SRPK1: variants seen among roughly 807,000 people sequenced by gnomAD.
SRPK1 encodes the protein SRSF protein kinase 1.
SRPK1 carries 52 observed loss-of-function variants against 89.5 expected under a neutral mutation model. The observed-to-expected ratio is 0.58, with a 90% confidence interval of 0.46 to 0.73. SRPK1 has a LOEUF of 0.73. SRPK1 is among the 30% of genes least tolerant of loss of function. The pLI is 0.00. For synonymous variants in SRPK1, 255 were observed against 270.2 expected (o/e 0.94, Z 0.55); for missense variants, 603 against 780.6 (o/e 0.77, Z 2.71).
intron 2 of SRPK1, among the ~76,000 whole-genome samples, chr6:35,908,171 T>A (rs1474659358): frequency 7.3e-5 from 11 of 149,728 alleles, no homozygotes; most frequent in Non-Finnish European, 1.0e-4. Context: ...CCACAGAGAG[T>A]GGGGTACTGC....
intron 12 of SRPK1, among the ~76,000 whole-genome samples, chr6:35,866,363 A>G (rs895974830): frequency 6.6e-6 from 1 of 152,186 alleles, no homozygotes; most frequent in Non-Finnish European, 1.5e-5. Context: ...AGGTAGGCAG[A>G]TCACAAGGTC....
chr6:35,836,721 C>G (rs1769185976), intron 15 of SRPK1, among the ~76,000 whole-genome samples: 1 of 151,326 alleles, frequency 6.6e-6, no homozygotes, highest in East Asian at 1.9e-4. Context: ...TGCCACTGTA[C>G]TCCAGCCTGG....
At chr6:35,854,897 A>C (rs190684140) in intron 13 of SRPK1, among the ~76,000 whole-genome samples, 280 of 152,334 alleles carry the variant, frequency 1.8e-3, no homozygotes, top group African/African-American at 6.6e-3. Flanking sequence ...TTCCTCAATA[A>C]GCAAAGCTTT....
At chr6:35,882,244 A>G (rs1279443204) in intron 6 of SRPK1, among the ~76,000 whole-genome samples, 3 of 150,044 alleles carry the variant, frequency 2.0e-5, no homozygotes, top group Non-Finnish European at 4.4e-5. Context: ...GACTAGAGAA[A>G]CTTGTGACTA....
chr6:35,873,895 C>T (rs567835778), intron 7 of SRPK1, among the ~76,000 whole-genome samples: 63 of 150,912 alleles, frequency 4.2e-4, no homozygotes, highest in Non-Finnish European at 7.2e-4. Flanking sequence ...GGTGTGATCT[C>T]GGCTCACCGC....
In SRPK1 at chr6:35,920,508, T is replaced by C. The variant is rs1365479156; in HGVS notation, c.34A>G (p.Lys12Glu). 1 of 1,613,150 alleles carries C rather than the reference T, an allele frequency of 6.2e-7. No homozygotes were observed. The highest frequency in any genetic ancestry group is 1.3e-5 in the African/African-American group (1 of 74,886). Residue 12 changes from lysine to glutamate, a missense_variant, in exon 2 of 16, where the codon AAG becomes GAG. By Grantham distance (56) the Lys-to-Glu change is moderately conservative (BLOSUM62 1). Coordinates refer to ENST00000373825, the MANE Select transcript of SRPK1 (RefSeq NM_003137.5). The stretch of plus-strand genomic sequence containing the variant: ...TCCTTCTTGGCCTTGGTCCTTTTCT[T>C]TCGGGCCTGGAGCGCAAGCACTGCA... ...ERKVLALQAR[K>E]KRTKAKKDKA...
rs368265819 is a variant in SRPK1, at chr6:35,868,744, G to T, written c.1512+266C>A. Among the ~76,000 whole-genome samples, 4 of 152,294 alleles carry T rather than the reference G, an allele frequency of 2.6e-5. No individual in the cohort carries two copies. The South Asian group carries it at 8.3e-4, about 32-fold the overall frequency. On this transcript the variant is annotated intron_variant, in intron 12 of 15. Transcript: ENST00000373825. ...ATATATTAAAAACAAGATTGGCCAGGAGTTGACATTACTGAATCTGGGTGA... is the reference window on the plus strand; with the variant it reads ...ATATATTAAAAACAAGATTGGCCAGTAGTTGACATTACTGAATCTGGGTGA...
At chr6:35,843,313 T>C (rs1769353448) in intron 13 of SRPK1, among the ~76,000 whole-genome samples, 1 of 141,152 alleles carries the variant, frequency 7.1e-6, no homozygotes, top group Admixed American at 7.2e-5. Context: ...AAATTGAGAT[T>C]CTGTACCAAA....
At chr6:35,902,470 C>CA (rs1770764926) in intron 2 of SRPK1, among the ~76,000 whole-genome samples, 2 of 151,844 alleles carry the variant, frequency 1.3e-5, no homozygotes, top group South Asian at 4.2e-4. Flanking sequence ...ACATAAAAGA[C>CA]AAAGATAAAC....
chr6:35,860,680 T>TA (rs2127237535), intron 12 of SRPK1, among the ~76,000 whole-genome samples: 1 of 152,268 alleles, frequency 6.6e-6, no homozygotes, highest in South Asian at 2.1e-4. Flanking sequence ...TGTTGTGATA[T>TA]GATGTACATT....
intron 1 of SRPK1, 37 bp from the exon 2 acceptor site, chr6:35,920,565 A>G (rs1338856488): frequency 1.9e-6 from 3 of 1,604,388 alleles, no homozygotes; most frequent in Non-Finnish European, 2.6e-6. Context: ...GCGAATGTGG[A>G]GGAAAGGAGG....
intron 2 of SRPK1, among the ~76,000 whole-genome samples, chr6:35,898,888 C>T (rs770299370): frequency 8.5e-5 from 13 of 152,204 alleles, no homozygotes; most frequent in Admixed American, 3.3e-4. Context: ...AGACACCGGG[C>T]GTGGTGGCTC....
At position 35,838,320 on chromosome 6, in the gene SRPK1, G is replaced by A; in HGVS notation, c.1783+17C>T. On this transcript the variant is annotated intron_variant, in intron 15 of 15. Coordinates refer to ENST00000373825, the MANE Select transcript of SRPK1 (RefSeq NM_003137.5). ...ACACTTCTGCCTCCTTAATGTCTGG[G>A]AACACATTTACTTTACCTTTTTTGG... 1.3e-6 allele frequency: 2 copies of A among 1,524,706 alleles called. No homozygotes were observed. The highest frequency in any genetic ancestry group is 2.5e-5 in the Admixed American group (1 of 40,740). 94.4% of individuals were successfully genotyped at this position (1,524,706 alleles called of 1,614,324 possible). A position where few individuals can be genotyped will look rare whatever the true frequency, so the allele number is the denominator to read the frequency against.
At chr6:35,886,293 G>A (rs2127256118) in intron 6 of SRPK1, among the ~76,000 whole-genome samples, 1 of 152,046 alleles carries the variant, frequency 6.6e-6, no homozygotes. Flanking sequence ...TTCGCCAGGT[G>A]GGTCTTGAAC....
At chr6:35,851,911 T>TA (rs1304231151) in intron 13 of SRPK1, among the ~76,000 whole-genome samples, 1 of 152,222 alleles carries the variant, frequency 6.6e-6, no homozygotes, top group African/African-American at 2.4e-5. Flanking sequence ...GGCACTGCTA[T>TA]AGACTTAAAG....
chr6:35,848,656 C>T (rs761214052), intron 13 of SRPK1, among the ~76,000 whole-genome samples: 4 of 152,232 alleles, frequency 2.6e-5, no homozygotes, highest in South Asian at 2.1e-4. Context: ...AAAAAGCAGA[C>T]GCATAGACCA....
chr6:35,842,617 G>T lies in SRPK1; in HGVS notation c.1621-13C>A, dbSNP rs1769335410. 2 of 1,582,058 alleles carry T rather than the reference G, an allele frequency of 1.3e-6. No homozygotes were observed. Among genetic ancestry groups the T allele is most frequent in the South Asian group, 1.2e-5 (1 of 85,848 alleles). On this transcript the variant is annotated splice_polypyrimidine_tract_variant and intron_variant, in intron 13 of 15. Transcript: ENST00000373825. ...CCAGTTCAAAGGCCTAAAAAAAAAA[G>T]AGGACAGTATATGAAAGCACAAAAG...
chr6:35,899,305 C>T (rs1442236818), intron 2 of SRPK1, among the ~76,000 whole-genome samples: 1 of 152,176 alleles, frequency 6.6e-6, no homozygotes, highest in Non-Finnish European at 1.5e-5. Flanking sequence ...CTATACATAT[C>T]TTCTTAGGCT....
intron 6 of SRPK1, among the ~76,000 whole-genome samples, chr6:35,883,464 TAA>T (rs67826893): frequency 0.31 from 47,843 of 151,908 alleles, 7,747 homozygotes; most frequent in South Asian, 0.42. Flanking sequence ...GCAGATTACT[TAA>T]AAAGACTAAA....
Sources: gnomAD v4.1 joint callset for allele counts (sites outside exome capture counted in the v4.1 genomes callset) on GRCh38, gnomAD v4.1.1 for gene constraint, MANE v1.5 for transcripts, NCBI Gene and HGNC (gene_info 2026-07-23, HGNC 2026-07-21) for gene names.